Variants in RBM14 observed in about 807,000 individuals in gnomAD.
RBM14 encodes RNA-binding protein 14.
A neutral mutation model predicts 52.8 loss-of-function variants in RBM14; 5 were observed. That is an observed-to-expected ratio of 0.09 (90% CI 0.05 to 0.20). The LOEUF is 0.20. Ranked by LOEUF, RBM14 falls within the 10% of genes least tolerant of loss-of-function variation. The probability of loss-of-function intolerance (pLI) is 1.00; values close to 1 mark genes in which losing one functional copy is unlikely to be tolerated. For missense variants in RBM14, 780 were observed against 926.6 expected, an observed-to-expected ratio of 0.84 and a Z score of 2.05; for synonymous variants, 411 against 401.8, an observed-to-expected ratio of 1.02 and a Z score of -0.28.
In RBM14 at chr11:66,620,074, G is replaced by T. The variant is rs2135007658; in HGVS notation, c.337+3017G>T. Among the ~76,000 whole-genome samples, 3 of 152,250 alleles carry T rather than the reference G, an allele frequency of 2.0e-5. No homozygotes were observed. In the East Asian group the frequency reaches 5.8e-4, roughly 29 times the overall value. On this transcript the variant is annotated intron_variant, in intron 1 of 2. Transcript: ENST00000310137. ...GTTCCTGGAATTTTTCAGATCTCTGGTTTTAATGGTCTTAGGAGTACTTGG... is the reference window on the plus strand; with the variant it reads ...GTTCCTGGAATTTTTCAGATCTCTGTTTTTAATGGTCTTAGGAGTACTTGG...
intron 1 of RBM14, chr11:66,617,584 G>T: frequency 1.0e-6 from 1 of 987,788 alleles, no homozygotes; most frequent in Non-Finnish European, 1.2e-6. Context: ...TCGGGCTGGG[G>T]TCTTTTAGTC....
chr11:66,618,698 C>A lies in RBM14; in HGVS notation c.337+1641C>A, dbSNP rs1858959428. ...TGTGTTTAATTGACTTACCAAGTTT[C>A]TTTTGTGGTTGTTAGGTAGAGTGGC... On this transcript the variant is annotated intron_variant, in intron 1 of 2. Transcript: ENST00000310137. The A allele has an allele frequency of 4.8e-6, 3 of 623,660 alleles. No homozygotes were observed. In the East Asian group the frequency reaches 8.3e-5, roughly 17 times the overall value. The allele number at this position is 623,660 out of a possible 1,614,324, so 38.6% of individuals were successfully genotyped here. A position where few individuals can be genotyped will look rare whatever the true frequency, so the allele number is the denominator to read the frequency against.
rs1324362520 is a variant in RBM14, at chr11:66,629,907, T to A, written c.*3239T>A. Among the ~76,000 whole-genome samples the A allele has an allele frequency of 8.8e-6, 1 of 113,230 alleles. No homozygotes were observed. The highest frequency in any genetic ancestry group is 2.8e-5 in the African/African-American group (1 of 35,246). 74.3% of individuals were successfully genotyped at this position (113,230 alleles called of 152,430 possible). A position where few individuals can be genotyped will look rare whatever the true frequency, so the allele number is the denominator to read the frequency against. ...GCTTCGGCAATACGGTGAGACCTTG[T>A]CTCTACCAAAAGAAAAGAAAAAAAA... On this transcript the variant is annotated 3_prime_UTR_variant, in exon 3 of 3. Coordinates refer to ENST00000310137, the MANE Select transcript of RBM14 (RefSeq NM_006328.4).
intron 1 of RBM14, among the ~76,000 whole-genome samples, chr11:66,622,877 A>G (rs969094141): frequency 6.6e-6 from 1 of 152,208 alleles, no homozygotes; most frequent in African/African-American, 2.4e-5. Context: ...CTTGGATGCT[A>G]TCTAAGAGTA....
chr11:66,616,656 C>G lies in RBM14; in HGVS notation c.-65C>G, dbSNP rs1001772714. The G allele has an allele frequency of 2.0e-6, 3 of 1,502,632 alleles. No homozygotes were observed. In the African/African-American group the frequency reaches 4.2e-5, roughly 21 times the overall value. 93.1% of individuals were successfully genotyped at this position (1,502,632 alleles called of 1,614,324 possible). On this transcript the variant is annotated 5_prime_UTR_variant, in exon 1 of 3. Coordinates refer to ENST00000310137, the MANE Select transcript of RBM14 (RefSeq NM_006328.4). ...TTCCTGAGGAGGACTGCCGGTCGTT[C>G]GGACGTCTTGCCTGTCGCTGGAGGA...
In RBM14 at chr11:66,625,532, T is replaced by C. The variant is rs1384800072; in HGVS notation, c.1656T>C (p.Gly552=). 1.9e-6 allele frequency: 3 copies of C among 1,612,516 alleles called. No individual in the cohort carries two copies. In the East Asian group the frequency reaches 6.7e-5, roughly 36 times the overall value. Residue 552 remains glycine, a synonymous_variant, in exon 2 of 3, where the codon GGT becomes GGC. Transcript: ENST00000310137. This position sits in a 1 kb window ranked among gnomAD's most constrained non-coding sequence, Gnocchi z 4.2. The part of the protein sequence containing the change: ...GQPGNAYDGA[G]QPSAAYLSMS... ...CAGGCAATGCCTACGATGGGGCAGG[T>C]CAGCCGTCTGCAGCCTACCTGTCCA...
intron 1 of RBM14, among the ~76,000 whole-genome samples, chr11:66,621,724 A>C (rs1011712543): frequency 1.3e-5 from 2 of 152,104 alleles, no homozygotes; most frequent in Non-Finnish European, 2.9e-5. Flanking sequence ...TTTGCATGGC[A>C]TTGTGTTTTG....
chr11:66,625,070 G>GGCAGCT lies in RBM14; in HGVS notation c.1195_1200dup (p.Ala399_Ala400dup). ...CCTCCTCACTAGCTTATGGAGCCCAGGCAGCTTCATATAATGCCCAGCCCT... is the reference window on the plus strand; with the variant it reads ...CCTCCTCACTAGCTTATGGAGCCCAGGCAGCTGCAGCTTCATATAATGCCCAGCCCT... On this transcript the variant is annotated inframe_insertion, in exon 2 of 3. Transcript: ENST00000310137. The surrounding 1 kb of genome is among the most constrained non-coding windows in gnomAD (Gnocchi z 4.2). The GGCAGCT allele has an allele frequency of 6.2e-7, 1 of 1,613,494 alleles. No homozygotes were observed.
intron 1 of RBM14, among the ~76,000 whole-genome samples, chr11:66,621,538 C>G (rs530535079): frequency 1.3e-5 from 2 of 151,936 alleles, no homozygotes; most frequent in Non-Finnish European, 2.9e-5. Flanking sequence ...CCACCACAGC[C>G]GGCTAATTTA....
chr11:66,621,014 A>G (rs578073545), intron 1 of RBM14: 1 of 151,842 alleles, frequency 6.6e-6, no homozygotes, highest in East Asian at 1.9e-4. Context: ...TTTTTAAAAT[A>G]TTTATTCATT....
In RBM14 at chr11:66,623,517, C is replaced by T. The variant is rs17147781; in HGVS notation, c.338-697C>T. Among the ~76,000 whole-genome samples the T allele has an allele frequency of 4.4e-3, 665 of 152,334 alleles. 28 individuals are homozygous for T. In the East Asian group the frequency reaches 0.097, roughly 22 times the overall value. ...TTGAGTGGGGCAAGCCATATAAAAA[C>T]TCTTGAGCATGTATGTCCACCTGTT... On this transcript the variant is annotated intron_variant, in intron 1 of 2. Transcript: ENST00000310137.
chr11:66,622,670 C>T (rs1233712172), intron 1 of RBM14, among the ~76,000 whole-genome samples: 1 of 152,126 alleles, frequency 6.6e-6, no homozygotes, highest in Non-Finnish European at 1.5e-5. Context: ...CCCCATTATC[C>T]TTAGTCTTGT....
At chr11:66,619,346 A>AAGGG (rs1858989437) in intron 1 of RBM14, 1 of 152,200 alleles carries the variant, frequency 6.6e-6, no homozygotes, top group African/African-American at 2.4e-5. Flanking sequence ...GAGCTTAGAT[A>AAGGG]GGATTTGTAG....
rs1486135329 is a variant in RBM14, at chr11:66,616,763, C to T, written c.43C>T (p.Pro15Ser). ...CAACGTCGACGGGGCGGATACGACT[C>T]CGGAGGAGCTGGCAGCCCTCTTTGC... ...VGNVDGADTTPEELAALFAPY... is the reference protein window; with the variant it reads ...VGNVDGADTTSEELAALFAPY... The change falls in exon 1 of 3, where the codon CCG becomes TCG. Residue 15 changes from proline (P) to serine (S), a missense_variant. Physicochemically the swap from Pro to Ser is moderately conservative, Grantham distance 74. Coordinates refer to ENST00000310137, the MANE Select transcript of RBM14 (RefSeq NM_006328.4). 1 of 1,604,266 alleles carries T rather than the reference C, an allele frequency of 6.2e-7. No individual in the cohort carries two copies. The highest frequency in any genetic ancestry group is 1.3e-5 in the African/African-American group (1 of 74,680).
intron 1 of RBM14, chr11:66,618,524 C>T (rs968263954): frequency 1.4e-6 from 1 of 717,448 alleles, no homozygotes; most frequent in South Asian, 1.5e-5. Flanking sequence ...TATCCGGAAT[C>T]GGGCTTTCCT....
In RBM14 at chr11:66,617,067, A is replaced by C. The variant is rs539164893; in HGVS notation, c.337+10A>C. On this transcript the variant is annotated intron_variant, in intron 1 of 2. Transcript: ENST00000310137. ...TGTGACGTGGTGAAAGGTAACGCGGAGGCGCGCTCGGGGGCGGGGGCGCGC... is the reference window on the plus strand; with the variant it reads ...TGTGACGTGGTGAAAGGTAACGCGGCGGCGCGCTCGGGGGCGGGGGCGCGC... 20 of 1,561,642 alleles carry C rather than the reference A, an allele frequency of 1.3e-5. No homozygotes were observed. The highest frequency in any genetic ancestry group is 1.6e-5 in the Non-Finnish European group (18 of 1,151,738).
chr11:66,622,066 C>T (rs1859137181), intron 1 of RBM14, among the ~76,000 whole-genome samples: 1 of 151,788 alleles, frequency 6.6e-6, no homozygotes, highest in Admixed American at 6.6e-5. Context: ...CAGGTGCCAG[C>T]CACCACGCCC....
intron 1 of RBM14, 45 bp downstream of exon 1, chr11:66,617,102 TCTGC>T (rs763921386): frequency 7.2e-7 from 1 of 1,387,754 alleles, no homozygotes; most frequent in East Asian, 2.3e-5. Context: ...CTCGGGGCAC[TCTGC>T]CTGTTAGCCA....
chr11:66,625,188 A>C lies in RBM14; in HGVS notation c.1312A>C (p.Thr438Pro). The change falls in exon 2 of 3, where the codon ACA (threonine) becomes CCA (proline). Residue 438 changes from threonine (T) to proline (P), a missense_variant. Physicochemically the swap from Thr to Pro is conservative, Grantham distance 38. Coordinates refer to ENST00000310137, the MANE Select transcript of RBM14 (RefSeq NM_006328.4). The surrounding 1 kb of genome is among the most constrained non-coding windows in gnomAD (Gnocchi z 4.2). Reference sequence around the variant, plus strand: ...TGCTGCCTATGTGGCACAGCCAGCCACAGCTGCTGCCTATGCCAGCCAGCC... The same window carrying C: ...TGCTGCCTATGTGGCACAGCCAGCCCCAGCTGCTGCCTATGCCAGCCAGCC... ...QPAAYVAQPA[T>P]AAAYASQPAA... 6.2e-7 allele frequency: 1 copy of C among 1,612,002 alleles called. No individual in the cohort carries two copies. Among genetic ancestry groups the C allele is most frequent in the African/African-American group, 1.3e-5 (1 of 74,904 alleles).
Sources: gnomAD v4.1 joint callset for allele counts (sites outside exome capture counted in the v4.1 genomes callset) on GRCh38, gnomAD v4.1.1 for gene constraint, Gnocchi (gnomAD v3.1) non-coding constraint, MANE v1.5 for transcripts, NCBI Gene and HGNC (gene_info 2026-07-23, HGNC 2026-07-21) for gene names.